Variants in SLC25A13 observed in about 807,000 individuals in gnomAD.
SLC25A13 encodes solute carrier family 25 member 13.
SLC25A13 carries 70 observed loss-of-function variants against 85.5 expected under a neutral mutation model. The ratio of observed to expected loss-of-function variants is 0.82; its 90% CI spans 0.68 to 1.00. The LOEUF (loss-of-function observed/expected upper bound fraction) is 1.00. Among genes scored for constraint, SLC25A13 ranks in the 50% least tolerant of loss-of-function variants. The probability of loss-of-function intolerance (pLI) is 0.00; values close to 1 mark genes in which losing one functional copy is unlikely to be tolerated. For synonymous variants in SLC25A13, 259 were observed against 288.7 expected (o/e 0.90, Z 1.04); for missense variants, 765 against 819.8 (o/e 0.93, Z 0.82).
At chr7:96,229,795 C>T (rs1399159932) in intron 4 of SLC25A13, among the ~76,000 whole-genome samples, 3 of 151,996 alleles carry the variant, frequency 2.0e-5, no homozygotes, top group Non-Finnish European at 4.4e-5. Context: ...GAAGAAACTC[C>T]GAACACATCC....
chr7:96,313,340 T>C (rs996708468), intron 1 of SLC25A13, among the ~76,000 whole-genome samples: 1 of 152,302 alleles, frequency 6.6e-6, no homozygotes, highest in East Asian at 1.9e-4. Context: ...CTATTCACAG[T>C]AGCAAAGACA....
At chr7:96,263,910 G>C (rs1376466906) in intron 3 of SLC25A13, among the ~76,000 whole-genome samples, 1 of 151,820 alleles carries the variant, frequency 6.6e-6, no homozygotes, top group Admixed American at 6.6e-5. Flanking sequence ...TAGTCTTCCT[G>C]TTCAGTCCCT....
Position 96,121,977 on chromosome 7 carries a change from C to G in SLC25A13, c.1612G>C (p.Val538Leu), listed in dbSNP as rs746535755. 1 of 1,614,130 alleles carries G rather than the reference C, an allele frequency of 6.2e-7. No homozygotes were observed. Among genetic ancestry groups the G allele is most frequent in the South Asian group, 1.1e-5 (1 of 91,078 alleles). Residue 538 changes from valine (V) to leucine (L), a missense_variant, in exon 16 of 18, where the codon GTG (valine) becomes CTG (leucine). By Grantham distance (32) the Val-to-Leu change is conservative. Transcript: ENST00000265631. Reference protein sequence around the residue: ...AIAGMPAASLVTPADVIKTRL... With the variant: ...AIAGMPAASLLTPADVIKTRL... ...GTCTTGATAACATCAGCAGGGGTCA[C>G]TAAAGATGCTGCAGGCATACCTGCA...
intron 2 of SLC25A13, among the ~76,000 whole-genome samples, chr7:96,292,528 C>T (rs1260610317): frequency 6.6e-6 from 1 of 152,164 alleles, no homozygotes; most frequent in Non-Finnish European, 1.5e-5. Flanking sequence ...ATTTAGAAAA[C>T]CCCATCGTCT....
intron 3 of SLC25A13, among the ~76,000 whole-genome samples, chr7:96,244,763 T>C (rs1329471098): frequency 6.6e-6 from 1 of 152,174 alleles, no homozygotes; most frequent in African/African-American, 2.4e-5. Context: ...CGCTGCAGTG[T>C]TTGCCAAGGG....
At chr7:96,306,896 T>C in intron 1 of SLC25A13, 2 of 1,097,536 alleles carry the variant, frequency 1.8e-6, no homozygotes, top group Non-Finnish European at 2.8e-6. Flanking sequence ...CACTCCAATC[T>C]CTCTTGCCCT....
At chr7:96,218,651 A>G (rs1795987968) in intron 4 of SLC25A13, among the ~76,000 whole-genome samples, 1 of 152,202 alleles carries the variant, frequency 6.6e-6, no homozygotes, top group Non-Finnish European at 1.5e-5. Context: ...TTAAAATAAA[A>G]AAGATTCATC....
chr7:96,158,172 A>G (rs967053973), intron 13 of SLC25A13, among the ~76,000 whole-genome samples: 1 of 152,194 alleles, frequency 6.6e-6, no homozygotes, highest in Non-Finnish European at 1.5e-5. Context: ...TCTTTATTAA[A>G]TGAGGTAGTA....
At chr7:96,198,583 G>C (rs537646225) in intron 5 of SLC25A13, among the ~76,000 whole-genome samples, 1 of 152,218 alleles carries the variant, frequency 6.6e-6, no homozygotes, top group African/African-American at 2.4e-5. Context: ...AGTTCAGAGA[G>C]GTCAGGTAAC....
chr7:96,255,964 C>T (rs1487567514), intron 3 of SLC25A13, among the ~76,000 whole-genome samples: 1 of 152,086 alleles, frequency 6.6e-6, no homozygotes, highest in African/African-American at 2.4e-5. Flanking sequence ...AATTTCATAT[C>T]CAGCCAAACT....
rs926788736 is a variant in SLC25A13, at chr7:96,223,624, A to G, written c.328+11178T>C. On this transcript the variant is annotated intron_variant, in intron 4 of 17. Coordinates refer to ENST00000265631, the MANE Select transcript of SLC25A13 (RefSeq NM_014251.3). Reference sequence around the variant, plus strand: ...GCAACAACGGTGAAACCCCATCTCTACTAAAATACAAAAATTAGCTGGGCG... The same window carrying G: ...GCAACAACGGTGAAACCCCATCTCTGCTAAAATACAAAAATTAGCTGGGCG... Among the ~76,000 whole-genome samples the G allele has an allele frequency of 5.3e-5, 8 of 152,180 alleles. No individual in the cohort carries two copies. The South Asian group carries it at 1.7e-3, about 32-fold the overall frequency.
At chr7:96,244,810 G>A (rs1441230663) in intron 3 of SLC25A13, among the ~76,000 whole-genome samples, 2 of 152,190 alleles carry the variant, frequency 1.3e-5, no homozygotes, top group Non-Finnish European at 2.9e-5. Context: ...AAATCTGGCA[G>A]ATTGAATATT....
intron 1 of SLC25A13, among the ~76,000 whole-genome samples, chr7:96,320,009 T>A (rs1230620911): frequency 2.6e-5 from 4 of 152,154 alleles, no homozygotes; most frequent in African/African-American, 9.7e-5. Flanking sequence ...TTGTCGTTGT[T>A]GTTATTTGTT....
intron 13 of SLC25A13, among the ~76,000 whole-genome samples, chr7:96,168,609 G>A (rs1265122120): frequency 6.6e-6 from 1 of 152,140 alleles, no homozygotes; most frequent in Non-Finnish European, 1.5e-5. Context: ...TCATTAAAAA[G>A]AAAATAAACC....
At chr7:96,241,861 C>T (rs1021005912) in intron 3 of SLC25A13, among the ~76,000 whole-genome samples, 1 of 152,172 alleles carries the variant, frequency 6.6e-6, no homozygotes, top group Non-Finnish European at 1.5e-5. Context: ...CACTAACGGA[C>T]AACCTCCAGT....
At chr7:96,122,588 A>T (rs1006507018) in intron 15 of SLC25A13, among the ~76,000 whole-genome samples, 1 of 151,904 alleles carries the variant, frequency 6.6e-6, no homozygotes. Context: ...GGTTTCGGGG[A>T]GGGGGTGAAA....
At chr7:96,166,101 T>C (rs559890652) in intron 13 of SLC25A13, among the ~76,000 whole-genome samples, 238 of 152,340 alleles carry the variant, frequency 1.6e-3, no homozygotes, top group South Asian at 6.2e-3. Context: ...CCAACAGTGT[T>C]AGTCTCACCA....
At chr7:96,299,533 A>T (rs1799478181) in intron 1 of SLC25A13, among the ~76,000 whole-genome samples, 1 of 152,186 alleles carries the variant, frequency 6.6e-6, no homozygotes, top group Admixed American at 6.5e-5. Flanking sequence ...TTAAGTGCCA[A>T]TCTGTGCTGA....
rs753243898 is a variant in SLC25A13, at chr7:96,202,293, C to T, written c.468+6545G>A. On this transcript the variant is annotated intron_variant, in intron 5 of 17. Transcript: ENST00000265631. ...GTTCTATTCCTAGCTCTATTTACTA[C>T]AATTCATGTCTTTGGGTTTCATCAT... is the stretch of plus-strand genomic sequence containing the variant. Among the ~76,000 whole-genome samples, 47 of 152,170 alleles carry T rather than the reference C, an allele frequency of 3.1e-4. 1 individual carries two copies. Among genetic ancestry groups the T allele is most frequent in the Middle Eastern group, 3.2e-3 (1 of 316 alleles).
Sources: allele counts gnomAD v4.1 joint callset (sites outside exome capture counted in the v4.1 genomes callset), GRCh38; gene constraint gnomAD v4.1.1; transcripts MANE v1.5; gene names NCBI Gene and HGNC (gene_info 2026-07-23, HGNC 2026-07-21).